The following PSTK variants were observed in gnomAD, a reference collection of about 807,000 sequenced individuals.
PSTK encodes phosphoseryl-tRNA kinase.
PSTK carries 26 observed loss-of-function variants against 38.6 expected under a neutral mutation model. The observed-to-expected ratio is 0.67, with a 90% confidence interval of 0.49 to 0.94. The LOEUF (loss-of-function observed/expected upper bound fraction) is 0.94. Among genes scored for constraint, PSTK ranks in the 40% least tolerant of loss-of-function variants. The probability of loss-of-function intolerance (pLI) is 0.00; values close to 1 mark genes in which losing one functional copy is unlikely to be tolerated. For synonymous variants in PSTK, 181 were observed against 161.7 expected, an observed-to-expected ratio of 1.12 and a Z score of -0.91; for missense variants, 445 against 436.3, an observed-to-expected ratio of 1.02 and a Z score of -0.18.
At chr10:122,988,114 CTG>C (rs1018520481) in intron 5 of PSTK, among the ~76,000 whole-genome samples, 5 of 152,152 alleles carry the variant, frequency 3.3e-5, no homozygotes, top group African/African-American at 1.2e-4. Context: ...TTAATGAACT[CTG>C]TGTTCTACTT....
chr10:122,989,833 C>G (rs1849103225), intron 5 of PSTK, among the ~76,000 whole-genome samples: 1 of 152,206 alleles, frequency 6.6e-6, no homozygotes, highest in South Asian at 2.1e-4. Flanking sequence ...AGGTTCAAAA[C>G]TAAATTGTCA....
At chr10:122,984,421 AC>A (rs1269001654) in intron 3 of PSTK, 1 of 152,074 alleles carries the variant, frequency 6.6e-6, no homozygotes, top group Non-Finnish European at 1.5e-5. Context: ...ATGAGCTATC[AC>A]CCCCGGCTAA....
intron 3 of PSTK, chr10:122,984,129 C>T (rs763172857): frequency 1.3e-5 from 2 of 152,538 alleles, no homozygotes; most frequent in Admixed American, 1.3e-4. Flanking sequence ...ATTTATTGGA[C>T]AGCGCAGTTC....
At chr10:122,987,246 C>A in intron 5 of PSTK, 1 of 1,485,902 alleles carries the variant, frequency 6.7e-7, no homozygotes, top group Non-Finnish European at 9.1e-7. Context: ...ACAGACAAAA[C>A]ATGATTACAT....
At chr10:122,989,179 G>A (rs1221142842) in intron 5 of PSTK, among the ~76,000 whole-genome samples, 21 of 135,588 alleles carry the variant, frequency 1.5e-4, no homozygotes, top group Admixed American at 1.5e-3. Context: ...GCTTAGAGAT[G>A]GGGGGCGGGG....
In PSTK at chr10:122,980,632, T is replaced by G. The variant is rs1426603781; in HGVS notation, c.153T>G (p.Gly51=). 2 of 1,610,672 alleles carry G rather than the reference T, an allele frequency of 1.2e-6. No individual in the cohort carries two copies. Residue 51 remains glycine, a synonymous_variant, in exon 1 of 6, where the codon GGT becomes GGG. Coordinates refer to ENST00000406217, the MANE Select transcript of PSTK (RefSeq NM_001363531.2). This position sits in a 1 kb window ranked among gnomAD's most constrained non-coding sequence, Gnocchi z 4.3. ...AGCAGGAGCAGGGTTGGGCCATCGG[T>G]GTTGTCGCGTATGATGACGTCATGC... is the stretch of plus-strand genomic sequence containing the variant. ...RLQQEQGWAI[G]VVAYDDVMPD...
chr10:122,980,726 G>T lies in PSTK; in HGVS notation c.216+31G>T, dbSNP rs1357918262. 1 of 784,852 alleles carries T rather than the reference G, an allele frequency of 1.3e-6. No individual in the cohort carries two copies. The highest frequency in any genetic ancestry group is 2.9e-5 in the African/African-American group (1 of 34,204). 48.6% of individuals were successfully genotyped at this position (784,852 alleles called of 1,614,324 possible). On this transcript the variant is annotated intron_variant, in intron 1 of 5. Coordinates refer to ENST00000406217, the MANE Select transcript of PSTK (RefSeq NM_001363531.2). This position sits in a 1 kb window ranked among gnomAD's most constrained non-coding sequence, Gnocchi z 4.3. ...CACGGAGGGGCGGGGCCTGGGCCGCGGGGCGGGGCGGGGCGGGGCGGGGCG... is the reference window on the plus strand; with the variant it reads ...CACGGAGGGGCGGGGCCTGGGCCGCTGGGCGGGGCGGGGCGGGGCGGGGCG...
chr10:122,983,489 C>A lies in PSTK; in HGVS notation c.707+19C>A. On this transcript the variant is annotated intron_variant, in intron 3 of 5. Coordinates refer to ENST00000406217, the MANE Select transcript of PSTK (RefSeq NM_001363531.2). ...AGGCCAGGTATTCCACTCAATCATCCCTCCCTGGATGCTCCCCTGTGCCAG... is the reference window on the plus strand; with the variant it reads ...AGGCCAGGTATTCCACTCAATCATCACTCCCTGGATGCTCCCCTGTGCCAG... The A allele has an allele frequency of 6.2e-7, 1 of 1,608,094 alleles. No individual in the cohort carries two copies. The highest frequency in any genetic ancestry group is 1.1e-5 in the South Asian group (1 of 90,694).
chr10:122,983,294 CT>C lies in PSTK; in HGVS notation c.536del (p.Leu179Ter). Reference sequence around the variant, plus strand: ...CAGATTCGTTGGGCTTTTGCCAGCTCTTTTTAGATTGTCCTCTTGAGACCTG... The same window carrying C: ...CAGATTCGTTGGGCTTTTGCCAGCTCTTTTAGATTGTCCTCTTGAGACCTG... ...RKYSLGFCQL[F>X]LDCPLETCLQ... On this transcript the variant is annotated frameshift_variant, in exon 3 of 6. Coordinates refer to ENST00000406217, the MANE Select transcript of PSTK (RefSeq NM_001363531.2). LOFTEE classifies it high-confidence loss of function. 1.9e-6 allele frequency: 3 copies of C among 1,612,602 alleles called. No homozygotes were observed. Among genetic ancestry groups the C allele is most frequent in the Non-Finnish European group, 2.5e-6 (3 of 1,179,460 alleles).
Position 122,986,891 on chromosome 10 carries a change from C to T in PSTK, c.806C>T (p.Ser269Leu). ...TAGGACACAGACAGAATTATTTGTT[C>T]AACTAACATTCTTCATAAAACTGAT... ...EQKDTDRIIC[S>L]TNILHKTDQT... is the part of the protein sequence containing the mutation. Residue 269 changes from serine to leucine, a missense_variant, in exon 5 of 6, where the codon TCA (serine) becomes TTA (leucine). By Grantham distance (145) the Ser-to-Leu change is moderately radical. Coordinates refer to ENST00000406217, the MANE Select transcript of PSTK (RefSeq NM_001363531.2). 10 of 1,608,520 alleles carry T rather than the reference C, an allele frequency of 6.2e-6. No individual in the cohort carries two copies. The highest frequency in any genetic ancestry group is 8.5e-6 in the Non-Finnish European group (10 of 1,175,388).
intron 5 of PSTK, among the ~76,000 whole-genome samples, chr10:122,988,031 A>G (rs1849059507): frequency 1.3e-5 from 2 of 152,362 alleles, no homozygotes; most frequent in Non-Finnish European, 2.9e-5. Context: ...TTGATTTTAT[A>G]TTGTAACCCA....
chr10:122,983,102 T>G (rs1279467888), intron 2 of PSTK, 78 bp downstream of exon 2: 1 of 1,357,926 alleles, frequency 7.4e-7, no homozygotes, highest in Non-Finnish European at 1.0e-6. Context: ...CAATGAGAAT[T>G]TAACTTGATT....
At chr10:122,988,401 ATATAT>A (rs1222202425) in intron 5 of PSTK, among the ~76,000 whole-genome samples, 5 of 151,870 alleles carry the variant, frequency 3.3e-5, no homozygotes, top group South Asian at 2.1e-4. Context: ...ATATATATAC[ATATAT>A]TATATATATT....
At chr10:122,987,309 G>C in intron 5 of PSTK, 1 of 1,597,344 alleles carries the variant, frequency 6.3e-7, no homozygotes, top group South Asian at 1.1e-5. Context: ...GCAGTGTAGT[G>C]ATGGGAGGAT....
rs777037072 is a variant in PSTK at position 122,986,976 on chromosome 10, G to A, written c.877+14G>A. The A allele has an allele frequency of 6.6e-6, 10 of 1,522,314 alleles. No homozygotes were observed. The highest frequency in any genetic ancestry group is 2.3e-5 in the East Asian group (1 of 44,398). 94.3% of individuals were successfully genotyped at this position (1,522,314 alleles called of 1,614,324 possible). A position where few individuals can be genotyped will look rare whatever the true frequency, so the allele number is the denominator to read the frequency against. On this transcript the variant is annotated intron_variant, in intron 5 of 5. Transcript: ENST00000406217. ...AGGAAGCAAAAGGTATGATGTGTCA[G>A]TTATGTGTTGAGTTGGTATGATTGT...
At chr10:122,986,062 A>G (rs1849027172) in intron 3 of PSTK, 2 of 240,128 alleles carry the variant, frequency 8.3e-6, no homozygotes, top group South Asian at 7.7e-5. Flanking sequence ...CTACTAAAAA[A>G]TACAAAAAAT....
chr10:122,986,367 G>A lies in PSTK; in HGVS notation c.775G>A (p.Glu259Lys). 1 of 1,605,568 alleles carries A rather than the reference G, an allele frequency of 6.2e-7. No individual in the cohort carries two copies. The highest frequency in any genetic ancestry group is 2.2e-5 in the East Asian group (1 of 44,840). ...NPVKYAEDNM[E>K]QKDTDRIICS... Reference sequence around the variant, plus strand: ...AGTAAAATATGCTGAGGACAATATGGAACAAAAGGTAAACTTCCAGTGTAA... The same window carrying A: ...AGTAAAATATGCTGAGGACAATATGAAACAAAAGGTAAACTTCCAGTGTAA... Residue 259 changes from glutamate (E) to lysine (K), a missense_variant, in exon 4 of 6, where the codon GAA (glutamate) becomes AAA (lysine). Physicochemically the swap from Glu to Lys is moderately conservative, Grantham distance 56 (BLOSUM62 1). Transcript: ENST00000406217.
rs761323677 is a variant in PSTK at position 122,980,688 on chromosome 10, G to A, written c.209G>A (p.Arg70Gln). 4.0e-6 allele frequency: 6 copies of A among 1,499,926 alleles called. No individual in the cohort carries two copies. Among genetic ancestry groups the A allele is most frequent in the Middle Eastern group, 4.4e-4 (2 of 4,498 alleles). 92.9% of individuals were successfully genotyped at this position (1,499,926 alleles called of 1,614,324 possible). A position where few individuals can be genotyped will look rare whatever the true frequency, so the allele number is the denominator to read the frequency against. The change falls in exon 1 of 6, where the codon CGA (arginine) becomes CAA (glutamine). Residue 70 changes from arginine (R) to glutamine (Q), a missense_variant. Coordinates refer to ENST00000406217, the MANE Select transcript of PSTK (RefSeq NM_001363531.2). This position sits in a 1 kb window ranked among gnomAD's most constrained non-coding sequence, Gnocchi z 4.3. ...GCGTTTCTCGCCGGGGCAAGAGCGC[G>A]ACCGGCGGTCAGCACGGAGGGGCGG... ...PDAFLAGARA[R>Q]PAPSQWKLLR...
At chr10:122,984,543 T>C (rs1327867499) in intron 3 of PSTK, 1 of 152,376 alleles carries the variant, frequency 6.6e-6, no homozygotes, top group Non-Finnish European at 1.5e-5. Context: ...ATATTTGCTA[T>C]GCTTTACCTC....
Sources: gnomAD v4.1 joint callset for allele counts (sites outside exome capture counted in the v4.1 genomes callset) on GRCh38, gnomAD v4.1.1 for gene constraint, Gnocchi (gnomAD v3.1) non-coding constraint, MANE v1.5 for transcripts, NCBI Gene and HGNC (gene_info 2026-07-23, HGNC 2026-07-21) for gene names.